The following CSMD1 variants were observed in gnomAD, a reference collection of about 807,000 sequenced individuals.
The protein encoded by CSMD1 is CUB and Sushi multiple domains 1.
CSMD1 carries 213 observed loss-of-function variants against 417.5 expected under a neutral mutation model. That is an observed-to-expected ratio of 0.51 (90% confidence interval 0.46 to 0.57). The LOEUF is 0.57. Among genes scored for constraint, CSMD1 ranks in the 20% least tolerant of loss-of-function variants. The pLI, the probability that CSMD1 is intolerant of heterozygous loss-of-function variation, is 0.00. For missense variants in CSMD1, 6,923 were observed against 4,529.7 expected (o/e 1.53, Z -15.17); for synonymous variants, 2,862 against 1,736.8 (o/e 1.65, Z -16.11).
Position 4,448,149 on chromosome 8 carries a change from G to C in CSMD1, c.303-28084C>G, listed in dbSNP as rs140446528. 3.3e-4 allele frequency among the ~76,000 whole-genome samples: 50 copies of C among 152,172 alleles called. No homozygotes were observed. The East Asian group carries it at 7.3e-3, about 22-fold the overall frequency. ...TCACTTTTACCAATGTGTATCGCTC[G>C]TATCACCTCAAGGTGAACATGTAAC... On this transcript the variant is annotated intron_variant, in intron 2 of 69. Transcript: ENST00000635120.
intron 12 of CSMD1, among the ~76,000 whole-genome samples, chr8:3,448,345 G>GAGGAAGGA (rs1563399866): frequency 7.3e-4 from 2 of 2,732 alleles, no homozygotes; most frequent in African/African-American, 2.7e-3. Context: ...GGGAGGGAGG[G>GAGGAAGGA]AGGAAGGAAG....
chr8:3,923,076 C>G (rs1039462571), intron 5 of CSMD1, among the ~76,000 whole-genome samples: 6 of 152,092 alleles, frequency 3.9e-5, no homozygotes, highest in Non-Finnish European at 5.9e-5. Context: ...TTCCTGGAGC[C>G]CAGTTGCGAA....
chr8:2,985,902 G>C (rs941300718), intron 54 of CSMD1, among the ~76,000 whole-genome samples: 4 of 133,412 alleles, frequency 3.0e-5, no homozygotes, highest in East Asian at 5.0e-4. Flanking sequence ...TATTGTGATC[G>C]AAAAGAAAGA....
chr8:3,158,020 G>T, intron 38 of CSMD1, 54 bp from the exon 39 acceptor site: 1 of 1,348,104 alleles, frequency 7.4e-7, no homozygotes, highest in Non-Finnish European at 1.0e-6. Context: ...GAGTATTTAA[G>T]GATTAAATGT....
chr8:4,630,162 C>G (rs1034625884), intron 2 of CSMD1, among the ~76,000 whole-genome samples: 9 of 152,076 alleles, frequency 5.9e-5, no homozygotes, highest in Non-Finnish European at 1.2e-4. Context: ...CATAGTATTG[C>G]AAACATAATT....
At chr8:3,924,046 G>C (rs1462156060) in intron 5 of CSMD1, among the ~76,000 whole-genome samples, 1 of 152,176 alleles carries the variant, frequency 6.6e-6, no homozygotes, top group Non-Finnish European at 1.5e-5. Flanking sequence ...TCAATTTGAA[G>C]GACTCCCTTT....
intron 5 of CSMD1, among the ~76,000 whole-genome samples, chr8:3,983,362 C>T (rs983740339): frequency 1.3e-5 from 2 of 152,016 alleles, no homozygotes; most frequent in Admixed American, 1.3e-4. Flanking sequence ...CATCTCCTGA[C>T]CTCGTGATCC....
At chr8:4,131,836 C>A (rs978773398) in intron 3 of CSMD1, among the ~76,000 whole-genome samples, 1 of 143,488 alleles carries the variant, frequency 7.0e-6, no homozygotes, top group Non-Finnish European at 1.5e-5. Context: ...GATCCCGGCT[C>A]ACTGCAAGCT....
chr8:3,845,365 T>C (rs1275922257), intron 5 of CSMD1, among the ~76,000 whole-genome samples: 5 of 152,184 alleles, frequency 3.3e-5, no homozygotes, highest in African/African-American at 1.2e-4. Context: ...ACCACACACC[T>C]GTACTGCATG....
intron 3 of CSMD1, among the ~76,000 whole-genome samples, chr8:4,134,761 C>G (rs1171152638): frequency 6.6e-6 from 1 of 152,196 alleles, no homozygotes; most frequent in Non-Finnish European, 1.5e-5. Flanking sequence ...CCAATATACC[C>G]CTTCTGAGCC....
chr8:3,616,677 C>T, intron 8 of CSMD1, 33 bp downstream of exon 8: 7 of 1,340,056 alleles, frequency 5.2e-6, no homozygotes, highest in Non-Finnish European at 7.5e-6. Flanking sequence ...TTAAAAATAA[C>T]ATGCTTTTTT....
At chr8:3,497,660 A>G (rs1246525925) in intron 10 of CSMD1, among the ~76,000 whole-genome samples, 1 of 152,172 alleles carries the variant, frequency 6.6e-6, no homozygotes, top group Non-Finnish European at 1.5e-5. Flanking sequence ...TATCTCTTGT[A>G]ATGTCTTCAG....
intron 3 of CSMD1, among the ~76,000 whole-genome samples, chr8:4,257,244 A>T (rs1274419246): frequency 6.6e-6 from 1 of 152,150 alleles, no homozygotes; most frequent in South Asian, 2.1e-4. Flanking sequence ...TCTGCCATGT[A>T]TTTTAATTTT....
chr8:4,994,577 C>A lies in CSMD1; in HGVS notation c.-161G>T. The A allele has an allele frequency of 1.6e-6, 1 of 640,560 alleles. No individual in the cohort carries two copies. The highest frequency in any genetic ancestry group is 2.8e-6 in the Non-Finnish European group (1 of 360,944). 39.7% of individuals were successfully genotyped at this position (640,560 alleles called of 1,614,324 possible). A position where few individuals can be genotyped will look rare whatever the true frequency, so the allele number is the denominator to read the frequency against. ...GACGCCTCCTGAAGGTCTGGGCGCC[C>A]GGCTCGCTTCCCTCTCATAGCATCG... On this transcript the variant is annotated 5_prime_UTR_variant, in exon 1 of 70. Transcript: ENST00000635120.
rs374590860 is a variant in CSMD1 at position 4,189,099 on chromosome 8, C to T, written c.416-157000G>A. Reference sequence around the variant, plus strand: ...TCTAGTAATGAAAATACATGACATTCACGTTTTGGTTTACTCAAACATGCC... The same window carrying T: ...TCTAGTAATGAAAATACATGACATTTACGTTTTGGTTTACTCAAACATGCC... On this transcript the variant is annotated intron_variant, in intron 3 of 69. Coordinates refer to ENST00000635120, the MANE Select transcript of CSMD1 (RefSeq NM_033225.6). 4.6e-5 allele frequency among the ~76,000 whole-genome samples: 7 copies of T among 152,322 alleles called. No homozygotes were observed. The East Asian group carries it at 1.4e-3, about 29-fold the overall frequency.
chr8:4,987,869 G>A (rs1383962188), intron 1 of CSMD1, among the ~76,000 whole-genome samples: 1 of 152,100 alleles, frequency 6.6e-6, no homozygotes, highest in East Asian at 1.9e-4. Context: ...CGGACTCTAA[G>A]GTGTTCACCT....
intron 1 of CSMD1, among the ~76,000 whole-genome samples, chr8:4,893,811 C>G (rs1804290723): frequency 6.6e-6 from 1 of 152,192 alleles, no homozygotes; most frequent in African/African-American, 2.4e-5. Context: ...GTCTTTTTAG[C>G]ATATGTTGAT....
intron 11 of CSMD1, among the ~76,000 whole-genome samples, chr8:3,485,538 C>CAGACACACACAG (rs1554439229): frequency 7.4e-6 from 1 of 134,922 alleles, no homozygotes; most frequent in African/African-American, 2.9e-5. Context: ...CACACACACA[C>CAGACACACACAG]AGAGAGAGAG....
intron 3 of CSMD1, among the ~76,000 whole-genome samples, chr8:4,262,800 A>T (rs1228318580): frequency 1.3e-5 from 2 of 152,180 alleles, no homozygotes; most frequent in Non-Finnish European, 2.9e-5. Flanking sequence ...GTTCCACCAG[A>T]TACCCAGAGA....
Sources: allele counts gnomAD v4.1 joint callset (sites outside exome capture counted in the v4.1 genomes callset), GRCh38; gene constraint gnomAD v4.1.1; transcripts MANE v1.5; gene names NCBI Gene and HGNC (gene_info 2026-07-23, HGNC 2026-07-21).